Variants in AVL9 observed in about 807,000 individuals in gnomAD.
AVL9 encodes late secretory pathway protein AVL9 homolog.
A neutral mutation model predicts 79.2 loss-of-function variants in AVL9; 49 were observed. That is an observed-to-expected ratio of 0.62 (90% confidence interval 0.49 to 0.79). The LOEUF is 0.79. Among genes scored for constraint, AVL9 ranks in the 30% least tolerant of loss-of-function variants. The pLI, the probability that AVL9 is intolerant of heterozygous loss-of-function variation, is 0.00. For missense variants in AVL9, 682 were observed against 776.8 expected, an observed-to-expected ratio of 0.88 and a Z score of 1.45; for synonymous variants, 299 against 280.6, an observed-to-expected ratio of 1.07 and a Z score of -0.65.
intron 1 of AVL9, among the ~76,000 whole-genome samples, chr7:32,523,885 C>A (rs1291210807): frequency 1.3e-5 from 2 of 151,902 alleles, no homozygotes; most frequent in African/African-American, 4.8e-5. Context: ...AGGTGCCCAC[C>A]ACCACGCCCG....
chr7:32,565,297 C>T (rs1425835930), intron 10 of AVL9, among the ~76,000 whole-genome samples: 5 of 152,200 alleles, frequency 3.3e-5, no homozygotes, highest in Admixed American at 1.3e-4. Context: ...TGGTGGCTCA[C>T]GCCTGTAATC....
At chr7:32,565,521 T>C (rs1790522038) in intron 10 of AVL9, among the ~76,000 whole-genome samples, 1 of 146,958 alleles carries the variant, frequency 6.8e-6, no homozygotes, top group East Asian at 2.0e-4. Flanking sequence ...ATCGTGCCAT[T>C]GCACTCCAGC....
intron 1 of AVL9, among the ~76,000 whole-genome samples, chr7:32,496,912 A>T (rs186683375): frequency 6.6e-6 from 1 of 152,222 alleles, no homozygotes; most frequent in Admixed American, 6.5e-5. Context: ...ACCAGCTTAG[A>T]TAACAAAGGG....
intron 13 of AVL9, among the ~76,000 whole-genome samples, chr7:32,577,482 T>C (rs1167159810): frequency 1.3e-5 from 2 of 152,192 alleles, no homozygotes; most frequent in African/African-American, 4.8e-5. Context: ...ACAAAGTCTC[T>C]ATTCTCAGCG....
In AVL9 at chr7:32,563,020, A is replaced by G. The variant is rs141039029; in HGVS notation, c.1215+3556A>G. The stretch of plus-strand genomic sequence containing the variant: ...ATAACGTGTGCACATCCTTCCATAT[A>G]TGGTTTTTGTTGTGTTTTGTTTTGT... On this transcript the variant is annotated intron_variant, in intron 10 of 15. Coordinates refer to ENST00000318709, the MANE Select transcript of AVL9 (RefSeq NM_015060.3). Among the ~76,000 whole-genome samples, 53 of 152,134 alleles carry G rather than the reference A, an allele frequency of 3.5e-4. 1 individual carries two copies. In the East Asian group the frequency reaches 9.7e-3, roughly 28 times the overall value.
chr7:32,556,603 T>C (rs17528697), intron 8 of AVL9, among the ~76,000 whole-genome samples: 98,904 of 151,714 alleles, frequency 0.65, 32,444 homozygotes, highest in Admixed American at 0.73. Flanking sequence ...ACCCAGCATA[T>C]TAGTGTGGTA....
At chr7:32,553,826 T>A in intron 7 of AVL9, 59 bp downstream of exon 7, 1 of 1,246,814 alleles carries the variant, frequency 8.0e-7, no homozygotes, top group Non-Finnish European at 1.2e-6. Context: ...CCAACACTGT[T>A]CTTAGTGTGC....
chr7:32,549,918 C>CAA (rs56035733), intron 4 of AVL9, among the ~76,000 whole-genome samples: 93 of 131,390 alleles, frequency 7.1e-4, no homozygotes, highest in South Asian at 1.3e-3. Context: ...GACTCCGTCT[C>CAA]AAAAAAAAAA....
chr7:32,498,312 G>A lies in AVL9; in HGVS notation c.93+2510G>A, dbSNP rs184938779. On this transcript the variant is annotated intron_variant, in intron 1 of 15. Coordinates refer to ENST00000318709, the MANE Select transcript of AVL9 (RefSeq NM_015060.3). ...AGGCTGGAGTTCAGTGCAGTGGCGC[G>A]ATCTCCACTCACTGCAACTTTCACC... Among the ~76,000 whole-genome samples the A allele has an allele frequency of 2.2e-3, 304 of 140,284 alleles. 2 individuals are homozygous for A. The highest frequency in any genetic ancestry group is 7.5e-3 in the African/African-American group (286 of 38,014). The allele number at this position is 140,284 out of a possible 152,430, so 92.0% of individuals were successfully genotyped here.
At chr7:32,503,679 A>G (rs1165251625) in intron 1 of AVL9, among the ~76,000 whole-genome samples, 2 of 137,510 alleles carry the variant, frequency 1.5e-5, no homozygotes, top group East Asian at 2.2e-4. Context: ...CATGGCTACA[A>G]GGTTCTTTTT....
chr7:32,522,223 G>T (rs918721065), intron 1 of AVL9, among the ~76,000 whole-genome samples: 1 of 152,268 alleles, frequency 6.6e-6, no homozygotes, highest in East Asian at 1.9e-4. Context: ...CCCCAGAATG[G>T]TAGATCCACT....
At position 32,573,378 on chromosome 7, in the gene AVL9, G is replaced by A. The variant is rs572602537; in HGVS notation, c.1530G>A (p.Ala510=). 81 of 1,613,486 alleles carry A rather than the reference G, an allele frequency of 5.0e-5. No individual in the cohort carries two copies. Among genetic ancestry groups the A allele is most frequent in the East Asian group, 6.7e-5 (3 of 44,882 alleles). The part of the protein sequence containing the change: ...GGDEWIRAQF[A]VYIHALLAAT... ...ACGAATGGATCCGGGCCCAGTTTGC[G>A]GTCTACATTCATGCCCTGCTGGCTG... is the stretch of plus-strand genomic sequence containing the variant. Residue 510 remains alanine, a synonymous_variant, in exon 12 of 16, where the codon GCG becomes GCA. Transcript: ENST00000318709.
chr7:32,505,286 G>C (rs2128113986), intron 1 of AVL9, among the ~76,000 whole-genome samples: 1 of 151,858 alleles, frequency 6.6e-6, no homozygotes, highest in Admixed American at 6.6e-5. Flanking sequence ...AGCACTTTGG[G>C]AGGCCAAGGC....
chr7:32,569,188 T>C (rs768366384), intron 10 of AVL9, among the ~76,000 whole-genome samples: 44 of 152,180 alleles, frequency 2.9e-4, no homozygotes, highest in African/African-American at 3.6e-4. Context: ...ATAAAACTTA[T>C]AGAACTTGAG....
At chr7:32,564,754 G>A (rs2128144628) in intron 10 of AVL9, among the ~76,000 whole-genome samples, 1 of 152,278 alleles carries the variant, frequency 6.6e-6, no homozygotes, top group East Asian at 1.9e-4. Context: ...AGGAAGTGTA[G>A]AGAAGAAACA....
In AVL9 at chr7:32,579,559, ATATTATATATTATAT is replaced by A. The variant is rs1791378039; in HGVS notation, c.1689-656_1689-642del. ...TATTATATATTATATATTATATATT[ATATTATATATTATAT>A]TATATATTATATATTATATATTATA... On this transcript the variant is annotated intron_variant, in intron 13 of 15. Coordinates refer to ENST00000318709, the MANE Select transcript of AVL9 (RefSeq NM_015060.3). Among the ~76,000 whole-genome samples, 9 of 4,718 alleles carry A rather than the reference ATATTATATATTATAT, an allele frequency of 1.9e-3. 4 individuals carry two copies. The highest frequency in any genetic ancestry group is 3.4e-3 in the Non-Finnish European group (9 of 2,616). 3.1% of individuals were successfully genotyped at this position (4,718 alleles called of 152,430 possible). A position where few individuals can be genotyped will look rare whatever the true frequency, so the allele number is the denominator to read the frequency against.
chr7:32,523,252 G>A (rs1012654755), intron 1 of AVL9, among the ~76,000 whole-genome samples: 2 of 147,882 alleles, frequency 1.4e-5, no homozygotes, highest in Non-Finnish European at 3.0e-5. Flanking sequence ...ATTTGCCCCA[G>A]ATTGGAAGAT....
At chr7:32,530,833 G>C (rs1416486749) in intron 1 of AVL9, among the ~76,000 whole-genome samples, 5 of 152,140 alleles carry the variant, frequency 3.3e-5, no homozygotes, top group Admixed American at 2.0e-4. Context: ...GCATGTGCCT[G>C]TGGTCCTGGC....
At chr7:32,564,845 C>G (rs1790485665) in intron 10 of AVL9, among the ~76,000 whole-genome samples, 1 of 152,076 alleles carries the variant, frequency 6.6e-6, no homozygotes, top group African/African-American at 2.4e-5. Context: ...AACTGGGACA[C>G]TGAAGGAGAA....
Sources: gnomAD v4.1 joint callset for allele counts (sites outside exome capture counted in the v4.1 genomes callset) on GRCh38, gnomAD v4.1.1 for gene constraint, MANE v1.5 for transcripts, NCBI Gene and HGNC (gene_info 2026-07-23, HGNC 2026-07-21) for gene names.